Variants in DNMBP observed in about 807,000 individuals in gnomAD.
DNMBP encodes dynamin-binding protein.
DNMBP carries 87 observed loss-of-function variants against 150.0 expected under a neutral mutation model. The observed-to-expected ratio is 0.58, with a 90% CI of 0.49 to 0.69. The LOEUF is 0.69. Ranked by LOEUF, DNMBP falls within the 30% of genes least tolerant of loss-of-function variation. The pLI is 0.00. For missense variants in DNMBP, 1,774 were observed against 1,949.0 expected (o/e 0.91, Z 1.69); for synonymous variants, 711 against 750.4 (o/e 0.95, Z 0.86).
At chr10:99,985,772 G>A (rs1479874184) in intron 1 of DNMBP, among the ~76,000 whole-genome samples, 1 of 152,128 alleles carries the variant, frequency 6.6e-6, no homozygotes, top group Non-Finnish European at 1.5e-5. Flanking sequence ...TGTATGAAAG[G>A]ATGAGAGGTG....
At position 99,955,786 on chromosome 10, in the gene DNMBP, A is replaced by G; in HGVS notation, c.1688T>C (p.Leu563Ser). The stretch of plus-strand genomic sequence containing the variant: ...ATCTGGCTCTGTGCCGGGCCCTGCC[A>G]AGCTCTTCTCAAACTCGATCAGCTG... ...TQQLIEFEKS[L>S]AGPGTEPDKI... Residue 563 changes from leucine (L) to serine (S), a missense_variant, in exon 4 of 17, where the codon TTG becomes TCG. By Grantham distance (145) the Leu-to-Ser change is moderately radical. Transcript: ENST00000324109. The G allele has an allele frequency of 6.2e-7, 1 of 1,614,244 alleles. No homozygotes were observed. Among genetic ancestry groups the G allele is most frequent in the Non-Finnish European group, 8.5e-7 (1 of 1,180,044 alleles).
chr10:99,995,060 T>TA (rs1391182793), intron 1 of DNMBP, among the ~76,000 whole-genome samples: 1 of 135,678 alleles, frequency 7.4e-6, no homozygotes, highest in Non-Finnish European at 1.7e-5. Flanking sequence ...AAAACAATTT[T>TA]TTTTTTTTTT....
intron 1 of DNMBP, among the ~76,000 whole-genome samples, chr10:99,981,993 T>C (rs961518582): frequency 6.6e-6 from 1 of 152,206 alleles, no homozygotes; most frequent in Non-Finnish European, 1.5e-5. Context: ...CCGTGACATA[T>C]GGTACAATCC....
At chr10:99,993,296 T>C (rs763416019) in intron 1 of DNMBP, among the ~76,000 whole-genome samples, 3 of 152,156 alleles carry the variant, frequency 2.0e-5, no homozygotes, top group Non-Finnish European at 4.4e-5. Flanking sequence ...GAATGGAAAA[T>C]GAGCACTGAC....
intron 11 of DNMBP, among the ~76,000 whole-genome samples, chr10:99,894,197 G>A (rs2039618232): frequency 6.6e-6 from 1 of 152,122 alleles, no homozygotes; most frequent in South Asian, 2.1e-4. Context: ...TTGAGCCCAG[G>A]ACTTGGAGAC....
At position 99,898,117 on chromosome 10, in the gene DNMBP, G is replaced by C. The variant is rs780955734; in HGVS notation, c.2889C>G (p.Asn963Lys). 3 of 1,614,022 alleles carry C rather than the reference G, an allele frequency of 1.9e-6. No homozygotes were observed. The Admixed American group carries it at 5.0e-5, about 27-fold the overall frequency. The change falls in exon 9 of 17, where the codon AAC (asparagine) becomes AAG (lysine). Residue 963 changes from asparagine (N) to lysine (K), a missense_variant. By Grantham distance (94) the Asn-to-Lys change is moderately conservative (BLOSUM62 0). Coordinates refer to ENST00000324109, the MANE Select transcript of DNMBP (RefSeq NM_015221.4). Reference sequence around the variant, plus strand: ...CCTTTCGCCGTTTATATTCATTAATGTTAACGTTGATTTCCTTGACCGCAA... The same window carrying C: ...CCTTTCGCCGTTTATATTCATTAATCTTAACGTTGATTTCCTTGACCGCAA... ...AVLAVKEINVNINEYKRRKDL... is the reference protein window; with the variant it reads ...AVLAVKEINVKINEYKRRKDL...
intron 6 of DNMBP, among the ~76,000 whole-genome samples, chr10:99,901,869 G>A (rs529206404): frequency 2.0e-5 from 3 of 151,936 alleles, no homozygotes; most frequent in Non-Finnish European, 2.9e-5. Context: ...TCTCACTGTT[G>A]TGTCCCATGG....
intron 16 of DNMBP, 140 bp from the exon 17 acceptor site, chr10:99,877,476 G>A (rs1590204103): frequency 7.1e-6 from 4 of 566,260 alleles, no homozygotes; most frequent in East Asian, 3.1e-5. Context: ...GTGAGACAGA[G>A]GAACTGAATT....
At chr10:99,992,926 C>T (rs905432783) in intron 1 of DNMBP, among the ~76,000 whole-genome samples, 13 of 151,956 alleles carry the variant, frequency 8.6e-5, no homozygotes, top group Admixed American at 4.6e-4. Flanking sequence ...CAACTGTAGC[C>T]CCAGCTAGTC....
At position 99,955,706 on chromosome 10, in the gene DNMBP, G is replaced by A. The variant is rs951138392; in HGVS notation, c.1768C>T (p.Arg590Ter). 6.8e-6 allele frequency: 11 copies of A among 1,614,184 alleles called. No homozygotes were observed. The highest frequency in any genetic ancestry group is 8.5e-6 in the Non-Finnish European group (10 of 1,180,028). The change falls in exon 4 of 17, where the codon CGA becomes TGA. Residue 590 changes from arginine (R) to a stop codon, truncating the protein, a stop_gained. Transcript: ENST00000324109. LOFTEE classifies it high-confidence loss of function. Reference sequence around the variant, plus strand: ...TCGGTGATTAACTTTGAGGAACCTCGGACAATATCCTTCTCAGAGTTAAAG... The same window carrying A: ...TCGGTGATTAACTTTGAGGAACCTCAGACAATATCCTTCTCAGAGTTAAAG... ...MDFNSEKDIV[R>*]GSSKLITEQE...
chr10:99,946,431 C>T (rs2040358039), intron 4 of DNMBP, among the ~76,000 whole-genome samples: 1 of 152,126 alleles, frequency 6.6e-6, no homozygotes, highest in East Asian at 1.9e-4. Flanking sequence ...ACCAATGGAA[C>T]AGAACAGAAA....
chr10:99,970,312 G>C (rs1182899161), intron 2 of DNMBP, among the ~76,000 whole-genome samples: 2 of 152,184 alleles, frequency 1.3e-5, no homozygotes, highest in Non-Finnish European at 2.9e-5. Flanking sequence ...TTAAGGATTG[G>C]ATTAACACAG....
At chr10:99,938,144 C>G (rs2040254291) in intron 4 of DNMBP, among the ~76,000 whole-genome samples, 1 of 152,176 alleles carries the variant, frequency 6.6e-6, no homozygotes, top group Non-Finnish European at 1.5e-5. Context: ...TCACTAGCAA[C>G]TTGATATCTT....
At chr10:99,903,727 C>T (rs529385800) in intron 6 of DNMBP, among the ~76,000 whole-genome samples, 28 of 152,310 alleles carry the variant, frequency 1.8e-4, no homozygotes, top group African/African-American at 6.5e-4. Flanking sequence ...AGCCCTTTCC[C>T]TAGTTGCATT....
At chr10:99,929,532 G>A in intron 4 of DNMBP, 1 of 601,600 alleles carries the variant, frequency 1.7e-6, no homozygotes, top group South Asian at 2.0e-5. Context: ...GAACACAAGT[G>A]CTCCTAGTAC....
At chr10:99,958,371 T>C (rs1341902705) in intron 3 of DNMBP, 3 of 152,234 alleles carry the variant, frequency 2.0e-5, no homozygotes, top group Non-Finnish European at 4.4e-5. Flanking sequence ...TAAAGCACTT[T>C]TACTGCTGAG....
intron 14 of DNMBP, among the ~76,000 whole-genome samples, chr10:99,885,057 G>GACTA (rs1160150340): frequency 1.3e-5 from 2 of 152,050 alleles, no homozygotes; most frequent in African/African-American, 4.8e-5. Context: ...GGTTAAAAAA[G>GACTA]ACTAACTCCA....
chr10:99,997,387 T>A (rs1013692881), intron 1 of DNMBP, among the ~76,000 whole-genome samples: 1 of 152,212 alleles, frequency 6.6e-6, no homozygotes, highest in Non-Finnish European at 1.5e-5. Context: ...TGTCATTCCC[T>A]GACACCTGGA....
At chr10:99,922,958 T>C (rs114607590) in intron 4 of DNMBP, among the ~76,000 whole-genome samples, 1 of 152,310 alleles carries the variant, frequency 6.6e-6, no homozygotes, top group African/African-American at 2.4e-5. Flanking sequence ...TTGAGGATCT[T>C]GTTGCATACC....
Sources: gnomAD v4.1 joint callset for allele counts (sites outside exome capture counted in the v4.1 genomes callset) on GRCh38, gnomAD v4.1.1 for gene constraint, MANE v1.5 for transcripts, NCBI Gene and HGNC (gene_info 2026-07-23, HGNC 2026-07-21) for gene names.